BCLAF3: variants seen among roughly 807,000 people sequenced by gnomAD.
BCLAF3 encodes the protein BCLAF1 and THRAP3 family member 3.
In BCLAF3, 24 loss-of-function variants were observed where a neutral mutation model predicts 51.2. The ratio of observed to expected loss-of-function variants is 0.47; its 90% CI spans 0.34 to 0.66. The LOEUF is 0.66. BCLAF3 is among the 30% of genes least tolerant of loss of function. The pLI, the probability that BCLAF3 is intolerant of heterozygous loss-of-function variation, is 0.01. For synonymous variants in BCLAF3, 152 were observed against 176.6 expected (o/e 0.86, Z 1.10); for missense variants, 465 against 525.1 (o/e 0.89, Z 1.12).
chrX:19,964,015 C>T (rs1290379515), intron 4 of BCLAF3, among the ~76,000 whole-genome samples: 3 of 111,750 alleles, frequency 2.7e-5, no homozygotes, highest in African/African-American at 9.8e-5. Flanking sequence ...CAGAGCAAGA[C>T]CTTGTCTCAA....
chrX:19,965,116 G>A lies in BCLAF3; in HGVS notation c.1202C>T (p.Pro401Leu). Residue 401 changes from proline (P) to leucine (L), a missense_variant, in exon 4 of 12, where the codon CCC becomes CTC. Coordinates refer to ENST00000379682, the MANE Select transcript of BCLAF3 (RefSeq NM_001367774.2). ...TTTCTTCCTAAGATTGATAGGCGAG[G>A]GTTTCACATCAGGAAGTTTTTGACT... The part of the protein sequence containing the change: ...DKSQKLPDVK[P>L]SPINLRKKSL... The A allele has an allele frequency of 4.2e-6, 5 of 1,201,851 alleles. No homozygotes were observed. The highest frequency in any genetic ancestry group is 5.6e-6 in the Non-Finnish European group (5 of 892,294).
At chrX:19,974,099 G>A (rs893303678) in intron 1 of BCLAF3, among the ~76,000 whole-genome samples, 3 of 111,315 alleles carry the variant, frequency 2.7e-5, no homozygotes, top group East Asian at 2.8e-4. Context: ...GCCAAAATCC[G>A]TGCATATCCA....
intron 10 of BCLAF3, among the ~76,000 whole-genome samples, chrX:19,933,094 T>C (rs1392900967): frequency 4.5e-5 from 5 of 112,127 alleles, no homozygotes; most frequent in Non-Finnish European, 7.5e-5. Context: ...TTGCTGGAGC[T>C]GCTGTTGCTT....
intron 8 of BCLAF3, among the ~76,000 whole-genome samples, chrX:19,939,004 C>A (rs1210609873): frequency 8.9e-6 from 1 of 111,893 alleles, no homozygotes; most frequent in Non-Finnish European, 1.9e-5. Context: ...GTGGATGATT[C>A]GTTTTGTGGC....
intron 4 of BCLAF3, 55 bp downstream of exon 4, chrX:19,964,989 A>G: frequency 1.0e-6 from 1 of 1,002,045 alleles, no homozygotes; most frequent in South Asian, 2.5e-5. Context: ...TGAAGCTGCA[A>G]ATAAAGATTG....
chrX:19,924,538 C>T (rs186199402), intron 11 of BCLAF3, among the ~76,000 whole-genome samples: 1,745 of 111,131 alleles, frequency 0.016, 17 homozygotes, highest in Non-Finnish European at 0.025. Context: ...GTTCTATTTT[C>T]GTACTCCATG....
At chrX:19,960,242 A>G (rs138573933) in intron 4 of BCLAF3, among the ~76,000 whole-genome samples, 483 of 111,700 alleles carry the variant, frequency 4.3e-3, no homozygotes, top group African/African-American at 0.015. Flanking sequence ...GATGAACATT[A>G]TGAGCCTCCA....
At chrX:19,917,463 C>A in intron 11 of BCLAF3, 129 bp from the exon 12 acceptor site, 2 of 547,058 alleles carry the variant, frequency 3.7e-6, no homozygotes, top group Non-Finnish European at 6.1e-6. Context: ...GAGATTCCCA[C>A]GAAGGCATGT....
intron 8 of BCLAF3, among the ~76,000 whole-genome samples, chrX:19,939,640 T>C (rs1026127053): frequency 8.1e-5 from 9 of 111,615 alleles, no homozygotes; most frequent in Non-Finnish European, 1.3e-4. Context: ...CTATTTACAA[T>C]AGCCAAAGGG....
intron 11 of BCLAF3, among the ~76,000 whole-genome samples, chrX:19,919,217 G>C (rs2070041379): frequency 8.9e-6 from 1 of 111,899 alleles, no homozygotes; most frequent in South Asian, 3.7e-4. Context: ...TCTACCTCCT[G>C]TAAGAAGAGT....
intron 10 of BCLAF3, among the ~76,000 whole-genome samples, chrX:19,935,168 A>G (rs1469746025): frequency 1.9e-5 from 2 of 106,996 alleles, no homozygotes; most frequent in African/African-American, 6.8e-5. Flanking sequence ...TGGGCGACAG[A>G]GGGAGACTCC....
chrX:19,969,537 C>T (rs913035072), intron 2 of BCLAF3, among the ~76,000 whole-genome samples: 1 of 111,816 alleles, frequency 8.9e-6, no homozygotes, highest in Non-Finnish European at 1.9e-5. Context: ...TTCTTAGTAC[C>T]CTCTTTTTCC....
chrX:19,979,310 CT>C (rs1426559548), intron 1 of BCLAF3, among the ~76,000 whole-genome samples: 1 of 111,043 alleles, frequency 9.0e-6, no homozygotes, highest in Non-Finnish European at 1.9e-5. Flanking sequence ...CAACCAACCC[CT>C]GATCAGTCAC....
intron 1 of BCLAF3, among the ~76,000 whole-genome samples, chrX:19,977,471 T>C (rs1390608298): frequency 8.9e-6 from 1 of 112,114 alleles, no homozygotes; most frequent in Non-Finnish European, 1.9e-5. Flanking sequence ...AGCCACAACG[T>C]TCCCTTAAGC....
At position 19,990,965 on chromosome X, in the gene BCLAF3, C is replaced by CCGG. The variant is rs1369039282; in HGVS notation, c.-93_-92insCCG. Among the ~76,000 whole-genome samples, 2 of 103,390 alleles carry CCGG rather than the reference C, an allele frequency of 1.9e-5. No individual in the cohort carries two copies. The highest frequency in any genetic ancestry group is 2.0e-4 in the Admixed American group (2 of 10,005). The allele number at this position is 103,390 out of a possible 115,157, so 89.8% of individuals were successfully genotyped here. On this transcript the variant is annotated 5_prime_UTR_variant, in exon 1 of 12. Transcript: ENST00000379682. ...GCCGCCGCCGCCGCCGCCGCCGCCGCCGCCGCCGGCCCCTCGGGCCTCGCC... is the reference window on the plus strand; with the variant it reads ...GCCGCCGCCGCCGCCGCCGCCGCCGCCGGCGCCGCCGGCCCCTCGGGCCTCGCC...
At chrX:19,982,522 T>A (rs1402860402) in intron 1 of BCLAF3, among the ~76,000 whole-genome samples, 9 of 107,423 alleles carry the variant, frequency 8.4e-5, no homozygotes, top group Admixed American at 3.1e-4. Flanking sequence ...TCTATCATTA[T>A]CCTACTTTGA....
chrX:19,935,470 T>C (rs1201216972), intron 10 of BCLAF3: 1 of 177,085 alleles, frequency 5.6e-6, no homozygotes, highest in East Asian at 1.3e-4. Flanking sequence ...TGCACGTGTA[T>C]CTTAGAGGTA....
Position 19,955,378 on chromosome X carries a change from A to G in BCLAF3, c.1450+13T>C. 2 of 1,178,752 alleles carry G rather than the reference A, an allele frequency of 1.7e-6. No homozygotes were observed. The highest frequency in any genetic ancestry group is 3.0e-5 in the East Asian group (1 of 33,015). ...TTTGTGTTATCCCTAACGTATGTGCAAAATATACCAACCTTTAACTTGATG... is the reference window on the plus strand; with the variant it reads ...TTTGTGTTATCCCTAACGTATGTGCGAAATATACCAACCTTTAACTTGATG... On this transcript the variant is annotated intron_variant, in intron 5 of 11. Transcript: ENST00000379682.
intron 7 of BCLAF3, among the ~76,000 whole-genome samples, chrX:19,951,251 A>G (rs1009095218): frequency 8.9e-6 from 1 of 111,887 alleles, no homozygotes; most frequent in Non-Finnish European, 1.9e-5. Context: ...CAATCATTTA[A>G]TTTATGGTAA....
Sources: allele counts gnomAD v4.1 joint callset (sites outside exome capture counted in the v4.1 genomes callset), GRCh38; gene constraint gnomAD v4.1.1; transcripts MANE v1.5; gene names NCBI Gene and HGNC (gene_info 2026-07-23, HGNC 2026-07-21).